The following PALLD variants were observed in gnomAD, a reference collection of about 807,000 sequenced individuals.
PALLD encodes the protein palladin.
Under a neutral mutation model 123.5 loss-of-function variants are expected in PALLD, and 61 were observed. The ratio of observed to expected loss-of-function variants is 0.49; its 90% confidence interval spans 0.40 to 0.61. PALLD has a LOEUF of 0.61. PALLD is among the 20% of genes least tolerant of loss of function. PALLD has a pLI of 0.00. For synonymous variants in PALLD, 465 were observed against 496.4 expected (o/e 0.94, Z 0.84); for missense variants, 1,273 against 1,377.0 (o/e 0.92, Z 1.20).
chr4:168,913,109 T>C (rs1335557360), intron 15 of PALLD, among the ~76,000 whole-genome samples: 1 of 151,184 alleles, frequency 6.6e-6, no homozygotes, highest in Non-Finnish European at 1.5e-5. Flanking sequence ...CATTTTAATG[T>C]ATGGTTTGGG....
intron 2 of PALLD, among the ~76,000 whole-genome samples, chr4:168,547,351 T>TTGTG (rs749840879): frequency 6.6e-6 from 1 of 150,796 alleles, no homozygotes; most frequent in East Asian, 1.9e-4. Flanking sequence ...AGTGTGTGTG[T>TTGTG]TGTGTGTGTG....
intron 10 of PALLD, among the ~76,000 whole-genome samples, chr4:168,800,875 G>A (rs2150677898): frequency 6.6e-6 from 1 of 152,260 alleles, no homozygotes; most frequent in Non-Finnish European, 1.5e-5. Flanking sequence ...TCCATCAACA[G>A]TAGAACAAGT....
At chr4:168,918,820 TACAG>T (rs1355445443) in intron 17 of PALLD, among the ~76,000 whole-genome samples, 1 of 152,194 alleles carries the variant, frequency 6.6e-6, no homozygotes, top group Non-Finnish European at 1.5e-5. Flanking sequence ...AAAAAATTCA[TACAG>T]ACCACTTGTA....
chr4:168,721,346 C>A (rs1785994086), intron 10 of PALLD, among the ~76,000 whole-genome samples: 1 of 151,852 alleles, frequency 6.6e-6, no homozygotes, highest in African/African-American at 2.4e-5. Context: ...CACATATGAA[C>A]AATATGCTCA....
chr4:168,699,159 A>C (rs1336838185), intron 8 of PALLD, among the ~76,000 whole-genome samples: 1 of 152,126 alleles, frequency 6.6e-6, no homozygotes, highest in Non-Finnish European at 1.5e-5. Context: ...GTTCACTGCA[A>C]CCTCTGCCTT....
In PALLD at chr4:168,894,486, T is replaced by C; in HGVS notation, c.2101-93T>C. 3 of 785,042 alleles carry C rather than the reference T, an allele frequency of 3.8e-6. No homozygotes were observed. The South Asian group carries it at 4.4e-5, about 11-fold the overall frequency. 48.6% of individuals were successfully genotyped at this position (785,042 alleles called of 1,614,324 possible). On this transcript the variant is annotated intron_variant, in intron 11 of 21. Coordinates refer to ENST00000505667, the MANE Select transcript of PALLD (RefSeq NM_001166108.2). ...GAGAGAGAACACTTACAGAAAATCA[T>C]GAAAGTGTGTTGTTTTTTACTCTTT... is the stretch of plus-strand genomic sequence containing the variant.
At chr4:168,666,207 C>G (rs6822913) in intron 2 of PALLD, among the ~76,000 whole-genome samples, 18,574 of 152,104 alleles carry the variant, frequency 0.12, 1,549 homozygotes, top group African/African-American at 0.24. Flanking sequence ...TACATCTAAC[C>G]AAAAGAAACG....
chr4:168,795,925 G>A (rs1403003597), intron 10 of PALLD, among the ~76,000 whole-genome samples: 1 of 151,884 alleles, frequency 6.6e-6, no homozygotes, highest in Non-Finnish European at 1.5e-5. Context: ...TACATAGTAG[G>A]TGTATATATT....
intron 2 of PALLD, among the ~76,000 whole-genome samples, chr4:168,653,193 A>AT (rs988458138): frequency 5.3e-5 from 8 of 152,186 alleles, no homozygotes; most frequent in Admixed American, 3.3e-4. Context: ...ACCTCAGGGA[A>AT]TTTTTTTTAA....
chr4:168,621,743 G>A (rs969973063), intron 2 of PALLD, among the ~76,000 whole-genome samples: 1 of 152,146 alleles, frequency 6.6e-6, no homozygotes, highest in African/African-American at 2.4e-5. Context: ...CTTGGCAGGT[G>A]TGACCCAAGG....
rs772016074 is a variant in PALLD at position 168,915,873 on chromosome 4, C to A, written c.2718-22C>A. 23 of 1,599,796 alleles carry A rather than the reference C, an allele frequency of 1.4e-5. No individual in the cohort carries two copies. In the Admixed American group the frequency reaches 3.8e-4, roughly 27 times the overall value. On this transcript the variant is annotated intron_variant, in intron 16 of 21. Coordinates refer to ENST00000505667, the MANE Select transcript of PALLD (RefSeq NM_001166108.2). ...AACTACTATCTATATTTCTATCTATCTGTCATCTTTCTTGTTTCAAGGCCT... is the reference window on the plus strand; with the variant it reads ...AACTACTATCTATATTTCTATCTATATGTCATCTTTCTTGTTTCAAGGCCT...
chr4:168,918,337 T>TATATAC (rs1553981973), intron 17 of PALLD, among the ~76,000 whole-genome samples: 16 of 151,514 alleles, frequency 1.1e-4, no homozygotes, highest in Admixed American at 5.9e-4. Context: ...TATATATATA[T>TATATAC]ATACATACAT....
In PALLD at chr4:168,793,018, C is replaced by T. The variant is rs531947904; in HGVS notation, c.1964+81095C>T. Among the ~76,000 whole-genome samples, 10 of 151,628 alleles carry T rather than the reference C, an allele frequency of 6.6e-5. No individual in the cohort carries two copies. In the East Asian group the frequency reaches 1.6e-3, roughly 24 times the overall value. Reference sequence around the variant, plus strand: ...CTGACCTCAAATGATCCACACACCTCGGCCTCCCAAAGTGCTGGGATTACA... The same window carrying T: ...CTGACCTCAAATGATCCACACACCTTGGCCTCCCAAAGTGCTGGGATTACA... On this transcript the variant is annotated intron_variant, in intron 10 of 21. Coordinates refer to ENST00000505667, the MANE Select transcript of PALLD (RefSeq NM_001166108.2).
intron 10 of PALLD, among the ~76,000 whole-genome samples, chr4:168,749,316 C>G (rs1025862197): frequency 1.3e-5 from 2 of 152,046 alleles, no homozygotes; most frequent in Non-Finnish European, 2.9e-5. Flanking sequence ...TATAAATTAC[C>G]CAGTCTCAGG....
intron 10 of PALLD, among the ~76,000 whole-genome samples, chr4:168,779,718 A>G (rs1405018918): frequency 7.9e-5 from 12 of 152,214 alleles, no homozygotes; most frequent in Admixed American, 7.8e-4. Flanking sequence ...TTGCTATAAC[A>G]TTTTTAATTA....
At chr4:168,868,901 C>T (rs1560823750) in intron 10 of PALLD, among the ~76,000 whole-genome samples, 1 of 152,164 alleles carries the variant, frequency 6.6e-6, no homozygotes, top group Non-Finnish European at 1.5e-5. Context: ...TCACCAAGTA[C>T]TGAAAATATC....
At chr4:168,541,167 A>G (rs1362903706) in intron 2 of PALLD, among the ~76,000 whole-genome samples, 1 of 152,250 alleles carries the variant, frequency 6.6e-6, no homozygotes, top group African/African-American at 2.4e-5. Context: ...TTAAGCGTCA[A>G]TGAATTATTC....
intron 10 of PALLD, among the ~76,000 whole-genome samples, chr4:168,811,836 A>AT (rs1195226962): frequency 4.6e-5 from 7 of 151,632 alleles, no homozygotes; most frequent in Admixed American, 4.6e-4. Context: ...GAAACAGGAA[A>AT]TTTTGGATAT....
intron 2 of PALLD, among the ~76,000 whole-genome samples, chr4:168,623,485 C>T (rs1774952159): frequency 6.6e-6 from 1 of 152,198 alleles, no homozygotes; most frequent in South Asian, 2.1e-4. Context: ...CCTGAAGATG[C>T]AGGACTTGCT....
Sources: gnomAD v4.1 joint callset for allele counts (sites outside exome capture counted in the v4.1 genomes callset) on GRCh38, gnomAD v4.1.1 for gene constraint, MANE v1.5 for transcripts, NCBI Gene and HGNC (gene_info 2026-07-23, HGNC 2026-07-21) for gene names.